EIF4G3: variants seen among roughly 807,000 people sequenced by gnomAD.
EIF4G3 encodes eukaryotic translation initiation factor 4 gamma 3, also known as eIF-4-gamma 3.
EIF4G3 carries 34 observed loss-of-function variants against 186.4 expected under a neutral mutation model. The observed-to-expected ratio is 0.18, with a 90% confidence interval of 0.14 to 0.24. The LOEUF is 0.24. Ranked by LOEUF, EIF4G3 falls within the 10% of genes least tolerant of loss-of-function variation. The pLI is 1.00. For missense variants in EIF4G3, 1,536 were observed against 1,948.5 expected, an observed-to-expected ratio of 0.79 and a Z score of 3.99; for synonymous variants, 673 against 679.5, an observed-to-expected ratio of 0.99 and a Z score of 0.15.
In EIF4G3 at chr1:20,880,320, G is replaced by GT. The variant is rs1280274677; in HGVS notation, c.2425-801dup. Among the ~76,000 whole-genome samples, 3 of 152,272 alleles carry GT rather than the reference G, an allele frequency of 2.0e-5. No individual in the cohort carries two copies. In the East Asian group the frequency reaches 5.8e-4, roughly 29 times the overall value. On this transcript the variant is annotated intron_variant, in intron 19 of 36. Transcript: ENST00000602326. ...GGAATCTGCAAAAAGACCAGAATAA[G>GT]TCAGTCTAGCAATTGTAGGATACAA...
At chr1:21,033,228 TA>T (rs1325187673) in intron 4 of EIF4G3, among the ~76,000 whole-genome samples, 1 of 152,120 alleles carries the variant, frequency 6.6e-6, no homozygotes, top group East Asian at 1.9e-4. Flanking sequence ...GCAGGAAAAA[TA>T]AATCACACAT....
chr1:20,895,626 AG>A lies in EIF4G3; in HGVS notation c.2000-126del. Reference sequence around the variant, plus strand: ...TGCATATACAACATTATAGCCCATAAGGCTATAATGAAGCTGAAAGGTTCCT... The same window carrying A: ...TGCATATACAACATTATAGCCCATAAGCTATAATGAAGCTGAAAGGTTCCT... On this transcript the variant is annotated intron_variant, in intron 16 of 36. Coordinates refer to ENST00000602326, the MANE Select transcript of EIF4G3 (RefSeq NM_001391906.1). The A allele has an allele frequency of 2.9e-6, 3 of 1,051,730 alleles. 1 individual carries two copies. The South Asian group carries it at 5.6e-5, about 20-fold the overall frequency. 65.1% of individuals were successfully genotyped at this position (1,051,730 alleles called of 1,614,324 possible). A position where few individuals can be genotyped will look rare whatever the true frequency, so the allele number is the denominator to read the frequency against.
chr1:20,899,735 T>C lies in EIF4G3; in HGVS notation c.1961A>G (p.Asp654Gly). Residue 654 changes from aspartate to glycine, a missense_variant, in exon 16 of 37, where the codon GAT (aspartate) becomes GGT (glycine). This residue lies in a region of EIF4G3 where 560 missense variants were observed against 547.8 expected (regional missense o/e 1.02). Transcript: ENST00000602326. ...AAATGTAACCCCATCACCAGAACTA[T>C]CTGTGGAGCCTGAATTAGCATCTAT... The part of the protein sequence containing the change: ...EGIDANSGST[D>G]SSGDGVTFPF... 4 of 1,614,162 alleles carry C rather than the reference T, an allele frequency of 2.5e-6. No individual in the cohort carries two copies. The highest frequency in any genetic ancestry group is 3.4e-6 in the Non-Finnish European group (4 of 1,180,000).
intron 3 of EIF4G3, among the ~76,000 whole-genome samples, chr1:21,056,057 G>A (rs918773483): frequency 6.6e-6 from 1 of 152,088 alleles, no homozygotes; most frequent in Non-Finnish European, 1.5e-5. Flanking sequence ...AAAGCCTAAA[G>A]TGCTGTTCTT....
intron 12 of EIF4G3, among the ~76,000 whole-genome samples, chr1:20,953,922 C>T (rs932424186): frequency 1.3e-5 from 2 of 152,194 alleles, no homozygotes; most frequent in African/African-American, 2.4e-5. Context: ...CATCTATCTA[C>T]ATATTTTCTA....
intron 4 of EIF4G3, among the ~76,000 whole-genome samples, chr1:21,034,431 G>A (rs1244038411): frequency 6.6e-6 from 1 of 152,234 alleles, no homozygotes; most frequent in East Asian, 1.9e-4. Flanking sequence ...GATATTTAAT[G>A]AGCAGTACTC....
chr1:21,063,699 T>G (rs2095056851), intron 3 of EIF4G3, among the ~76,000 whole-genome samples: 1 of 38,428 alleles, frequency 2.6e-5, no homozygotes, highest in Non-Finnish European at 4.9e-5. Flanking sequence ...GTCATACTTT[T>G]CATTTTGGGG....
intron 30 of EIF4G3, among the ~76,000 whole-genome samples, chr1:20,840,397 T>C (rs963099629): frequency 7.2e-5 from 11 of 152,378 alleles, no homozygotes; most frequent in African/African-American, 2.6e-4. Flanking sequence ...ACCTTCTCCA[T>C]GAGGCTAGAG....
Position 21,176,883 on chromosome 1 carries a change from T to G in EIF4G3, c.-617A>C, listed in dbSNP as rs1195949742. On this transcript the variant is annotated 5_prime_UTR_variant, in exon 1 of 37. Coordinates refer to ENST00000602326, the MANE Select transcript of EIF4G3 (RefSeq NM_001391906.1). ...ATGGCGCTGTGGCCGCCTCCAGCAG[T>G]CCGGCAGGACGGCTGCTCGGAAAAC... 1.4e-6 allele frequency: 1 copy of G among 693,552 alleles called. No homozygotes were observed. Among genetic ancestry groups the G allele is most frequent in the Non-Finnish European group, 2.6e-6 (1 of 380,008 alleles). The allele number at this position is 693,552 out of a possible 1,614,324, so 43.0% of individuals were successfully genotyped here. A position where few individuals can be genotyped will look rare whatever the true frequency, so the allele number is the denominator to read the frequency against.
intron 4 of EIF4G3, among the ~76,000 whole-genome samples, chr1:21,045,101 C>CA (rs1398917631): frequency 6.6e-6 from 1 of 152,006 alleles, no homozygotes; most frequent in South Asian, 2.1e-4. Context: ...GCCTGGGTGA[C>CA]AGAGTGAGGT....
In EIF4G3 at chr1:20,981,688, ATG is replaced by A. The variant is rs1282955955; in HGVS notation, c.199-463_199-462del. Among the ~76,000 whole-genome samples, 75 of 135,760 alleles carry A rather than the reference ATG, an allele frequency of 5.5e-4. 10 individuals are homozygous for A. Among genetic ancestry groups the A allele is most frequent in the Non-Finnish European group, 7.6e-4 (47 of 62,036 alleles). 89.1% of individuals were successfully genotyped at this position (135,760 alleles called of 152,430 possible). A position where few individuals can be genotyped will look rare whatever the true frequency, so the allele number is the denominator to read the frequency against. On this transcript the variant is annotated intron_variant, in intron 8 of 36. Coordinates refer to ENST00000602326, the MANE Select transcript of EIF4G3 (RefSeq NM_001391906.1). ...ACGCACATACTGTATGTATACATACATGTATACGCACATACTGTATGTATACA... is the reference window on the plus strand; with the variant it reads ...ACGCACATACTGTATGTATACATACATATACGCACATACTGTATGTATACA...
rs1265701030 is a variant in EIF4G3 at position 20,942,347 on chromosome 1, A to G, written c.824-17T>C. On this transcript the variant is annotated splice_polypyrimidine_tract_variant and intron_variant, in intron 13 of 36. Coordinates refer to ENST00000602326, the MANE Select transcript of EIF4G3 (RefSeq NM_001391906.1). ...GCTTCTCCTCTGGGGAAAAAAAAAT[A>G]AGTTTTAAGAATAATTCTTGGATCA... 5 of 1,533,928 alleles carry G rather than the reference A, an allele frequency of 3.3e-6. No homozygotes were observed. The highest frequency in any genetic ancestry group is 4.4e-6 in the Non-Finnish European group (5 of 1,145,776).
intron 12 of EIF4G3, among the ~76,000 whole-genome samples, chr1:20,954,719 C>T (rs1314798915): frequency 6.6e-6 from 1 of 152,006 alleles, no homozygotes; most frequent in African/African-American, 2.4e-5. Context: ...TATGAATCTA[C>T]TCATGGCTAA....
intron 22 of EIF4G3, among the ~76,000 whole-genome samples, chr1:20,862,786 T>A (rs1327005985): frequency 1.3e-5 from 2 of 152,172 alleles, no homozygotes; most frequent in Non-Finnish European, 2.9e-5. Context: ...TTTATTTGTA[T>A]TTTTTTGAGA....
At chr1:20,896,385 A>G (rs1386347753) in intron 16 of EIF4G3, among the ~76,000 whole-genome samples, 2 of 149,332 alleles carry the variant, frequency 1.3e-5, no homozygotes. Flanking sequence ...GCAGTGAGCT[A>G]TGATTGCACC....
At chr1:20,964,703 G>A (rs2074223911) in intron 12 of EIF4G3, among the ~76,000 whole-genome samples, 1 of 152,124 alleles carries the variant, frequency 6.6e-6, no homozygotes, top group African/African-American at 2.4e-5. Flanking sequence ...ATTTGGCCTA[G>A]TTCAAATATT....
At chr1:20,979,478 G>A (rs2077517298) in intron 10 of EIF4G3, among the ~76,000 whole-genome samples, 1 of 152,122 alleles carries the variant, frequency 6.6e-6, no homozygotes, top group Non-Finnish European at 1.5e-5. Flanking sequence ...CATGGAAATT[G>A]CATTCTACTA....
intron 30 of EIF4G3, among the ~76,000 whole-genome samples, chr1:20,833,374 T>C (rs1417622325): frequency 1.3e-5 from 2 of 152,224 alleles, no homozygotes; most frequent in African/African-American, 2.4e-5. Context: ...TTTGAAGCAA[T>C]TGTGAATGGG....
At chr1:21,110,538 G>A (rs1156232101) in intron 2 of EIF4G3, among the ~76,000 whole-genome samples, 1 of 151,848 alleles carries the variant, frequency 6.6e-6, no homozygotes, top group Non-Finnish European at 1.5e-5. Flanking sequence ...CAGGCAATTC[G>A]CCCACCTCGG....
Sources: allele counts gnomAD v4.1 joint callset (sites outside exome capture counted in the v4.1 genomes callset), GRCh38; gene constraint gnomAD v4.1.1; regional missense constraint gnomAD v4.1.1; transcripts MANE v1.5; gene names NCBI Gene and HGNC (gene_info 2026-07-23, HGNC 2026-07-21).